ERC2: variants seen among roughly 807,000 people sequenced by gnomAD.
ERC2 encodes the protein ELKS/RAB6-interacting/CAST family member 2.
In ERC2, 42 loss-of-function variants were observed where a neutral mutation model predicts 114.8. That is an observed-to-expected ratio of 0.37 (90% CI 0.29 to 0.47). The LOEUF (loss-of-function observed/expected upper bound fraction) is 0.47. Among genes scored for constraint, ERC2 ranks in the 20% least tolerant of loss-of-function variants. ERC2 has a pLI of 0.99. For synonymous variants in ERC2, 454 were observed against 425.5 expected (o/e 1.07, Z -0.82); for missense variants, 939 against 1,150.7 (o/e 0.82, Z 2.66).
chr3:56,261,579 G>A (rs1003387110), intron 3 of ERC2, among the ~76,000 whole-genome samples: 6 of 152,092 alleles, frequency 3.9e-5, no homozygotes, highest in Non-Finnish European at 8.8e-5. Context: ...TTCCTGAACT[G>A]TGCCCTCTCT....
intron 2 of ERC2, among the ~76,000 whole-genome samples, chr3:56,326,280 A>C (rs1291871157): frequency 2.0e-5 from 3 of 152,232 alleles, no homozygotes; most frequent in Non-Finnish European, 2.9e-5. Context: ...GAGTGCGGAA[A>C]GCAGATAGTG....
In ERC2 at chr3:55,646,278, G is replaced by A. The variant is rs190905953; in HGVS notation, c.*39+37516C>T. Among the ~76,000 whole-genome samples the A allele has an allele frequency of 2.6e-3, 402 of 152,190 alleles. 2 individuals are homozygous for A. The highest frequency in any genetic ancestry group is 9.5e-3 in the African/African-American group (396 of 41,512). On this transcript the variant is annotated intron_variant, in intron 17 of 17. Transcript: ENST00000288221. ...ATTCCTTTCTGCATTGTTCTTGTTC[G>A]TCATGTCTGAGCTGTCACCTGAGAG...
intron 2 of ERC2, among the ~76,000 whole-genome samples, chr3:56,373,594 T>C (rs986729063): frequency 6.6e-6 from 1 of 152,136 alleles, no homozygotes; most frequent in African/African-American, 2.4e-5. Flanking sequence ...AGCAGCACAT[T>C]GGTGTAAAGC....
chr3:55,815,184 C>T (rs2059863358), intron 14 of ERC2, among the ~76,000 whole-genome samples: 1 of 150,530 alleles, frequency 6.6e-6, no homozygotes, highest in Non-Finnish European at 1.5e-5. Context: ...TCAAATATAC[C>T]AAAGATGCCC....
intron 6 of ERC2, among the ~76,000 whole-genome samples, chr3:56,105,544 G>A (rs2078607939): frequency 6.6e-6 from 1 of 152,146 alleles, no homozygotes; most frequent in South Asian, 2.1e-4. Context: ...TTGAACTCCT[G>A]GCCTCAAGCA....
intron 4 of ERC2, among the ~76,000 whole-genome samples, chr3:56,153,552 T>A (rs1055154610): frequency 6.6e-6 from 1 of 152,182 alleles, no homozygotes; most frequent in Non-Finnish European, 1.5e-5. Context: ...TCAAGAGCCA[T>A]CCAACTTAAC....
intron 2 of ERC2, among the ~76,000 whole-genome samples, chr3:56,337,607 C>T (rs1274491272): frequency 6.6e-6 from 1 of 152,206 alleles, no homozygotes; most frequent in Non-Finnish European, 1.5e-5. Context: ...TCCCACAATG[C>T]CACCAAAATT....
In ERC2 at chr3:55,904,868, G is replaced by A. The variant is rs183882791; in HGVS notation, c.2404-16319C>T. ...TAATAATCCACATTGCCATTTCAAT[G>A]TGTGACTCAGCCCGTTTTCACGGTC... On this transcript the variant is annotated intron_variant, in intron 13 of 17. Transcript: ENST00000288221. Among the ~76,000 whole-genome samples, 3 of 152,328 alleles carry A rather than the reference G, an allele frequency of 2.0e-5. No individual in the cohort carries two copies. The East Asian group carries it at 5.8e-4, about 29-fold the overall frequency.
intron 14 of ERC2, among the ~76,000 whole-genome samples, chr3:55,758,683 C>G (rs543032360): frequency 6.5e-4 from 99 of 152,344 alleles, no homozygotes; most frequent in Middle Eastern, 3.4e-3. Context: ...CAAAAAAATC[C>G]AGCCATTTAA....
intron 6 of ERC2, among the ~76,000 whole-genome samples, chr3:56,086,405 T>G (rs1256578135): frequency 2.0e-5 from 3 of 152,052 alleles, no homozygotes; most frequent in Non-Finnish European, 1.5e-5. Flanking sequence ...AAGTGTGTAC[T>G]TAACTTCAAA....
chr3:55,897,410 AACAG>A (rs1201558688), intron 13 of ERC2, among the ~76,000 whole-genome samples: 1 of 152,242 alleles, frequency 6.6e-6, no homozygotes, highest in African/African-American at 2.4e-5. Flanking sequence ...ATATTTCAAA[AACAG>A]ACAGGCTCTT....
intron 17 of ERC2, among the ~76,000 whole-genome samples, chr3:55,583,415 CTT>C (rs2057381351): frequency 8.0e-6 from 1 of 125,766 alleles, no homozygotes; most frequent in Non-Finnish European, 1.7e-5. Flanking sequence ...TCCTTCCTTC[CTT>C]CCTTCCTTCC....
intron 17 of ERC2, among the ~76,000 whole-genome samples, chr3:55,609,490 A>G (rs1283396173): frequency 6.6e-6 from 1 of 152,114 alleles, no homozygotes; most frequent in Admixed American, 6.5e-5. Context: ...ATCATGCTCC[A>G]CTGAGGAAGT....
At chr3:55,544,136 T>G (rs2054586716) in intron 17 of ERC2, among the ~76,000 whole-genome samples, 1 of 152,152 alleles carries the variant, frequency 6.6e-6, no homozygotes, top group African/African-American at 2.4e-5. Flanking sequence ...TAGATACCTC[T>G]GGGCCTGTCT....
intron 3 of ERC2, among the ~76,000 whole-genome samples, chr3:56,185,774 C>CA (rs759279262): frequency 1.3e-5 from 2 of 152,100 alleles, no homozygotes; most frequent in African/African-American, 2.4e-5. Context: ...AGATTACAGA[C>CA]ATTAAAATAG....
At chr3:56,293,484 G>A (rs1009883426) in intron 3 of ERC2, among the ~76,000 whole-genome samples, 2 of 152,208 alleles carry the variant, frequency 1.3e-5, no homozygotes, top group African/African-American at 2.4e-5. Context: ...TTAACACCAG[G>A]ATCATGAGAT....
intron 13 of ERC2, among the ~76,000 whole-genome samples, chr3:55,889,461 A>G (rs1475132778): frequency 2.0e-5 from 3 of 152,202 alleles, no homozygotes; most frequent in African/African-American, 7.2e-5. Flanking sequence ...CCATAGAAAT[A>G]AGCCAGACTA....
At position 55,994,647 on chromosome 3, in the gene ERC2, T is replaced by TAAAAAAAAAAAAAAAAAAAAAAAAAAA. The variant is rs10662566; in HGVS notation, c.2062-2398_2062-2397insTTTTTTTTTTTTTTTTTTTTTTTTTTT. 3.3e-5 allele frequency among the ~76,000 whole-genome samples: 2 copies of TAAAAAAAAAAAAAAAAAAAAAAAAAAA among 61,396 alleles called. 1 individual carries two copies. Among genetic ancestry groups the TAAAAAAAAAAAAAAAAAAAAAAAAAAA allele is most frequent in the Non-Finnish European group, 5.4e-5 (2 of 36,928 alleles). 40.3% of individuals were successfully genotyped at this position (61,396 alleles called of 152,430 possible). ...CATTGACAAGATACTACATACTCCC[T>TAAAAAAAAAAAAAAAAAAAAAAAAAAA]AAAAAAAAAAAAAAAAAAAAAAAAA... is the stretch of plus-strand genomic sequence containing the variant. On this transcript the variant is annotated intron_variant, in intron 10 of 17. Transcript: ENST00000288221.
intron 2 of ERC2, among the ~76,000 whole-genome samples, chr3:56,335,040 G>T (rs2057789111): frequency 6.6e-6 from 1 of 152,136 alleles, no homozygotes; most frequent in African/African-American, 2.4e-5. Context: ...CCTGACCTCA[G>T]GTGATCTGCC....
Sources: allele counts gnomAD v4.1 joint callset (sites outside exome capture counted in the v4.1 genomes callset), GRCh38; gene constraint gnomAD v4.1.1; transcripts MANE v1.5; gene names NCBI Gene and HGNC (gene_info 2026-07-23, HGNC 2026-07-21).